DCBLD2: variants seen among roughly 807,000 people sequenced by gnomAD.
DCBLD2 encodes the protein discoidin, CUB and LCCL domain containing 2.
In DCBLD2, 54 loss-of-function variants were observed where a neutral mutation model predicts 86.8. That is an observed-to-expected ratio of 0.62 (90% CI 0.50 to 0.78). The LOEUF (loss-of-function observed/expected upper bound fraction) is 0.78. DCBLD2 is among the 30% of genes least tolerant of loss of function. The pLI is 0.00. For synonymous variants in DCBLD2, 354 were observed against 341.3 expected (o/e 1.04, Z -0.41); for missense variants, 908 against 954.2 (o/e 0.95, Z 0.64).
intron 2 of DCBLD2, among the ~76,000 whole-genome samples, chr3:98,867,997 G>T (rs913432970): frequency 2.6e-5 from 4 of 151,954 alleles, no homozygotes; most frequent in Admixed American, 2.0e-4. Context: ...TAGAGACGGG[G>T]TTTCACCTTG....
chr3:98,812,542 T>A, intron 9 of DCBLD2, 60 bp from the exon 10 acceptor site: 1 of 1,484,656 alleles, frequency 6.7e-7, no homozygotes, highest in Admixed American at 2.0e-5. Context: ...GCTAAATTTC[T>A]CCACTTAAAC....
intron 2 of DCBLD2, among the ~76,000 whole-genome samples, chr3:98,873,220 C>G (rs1576196445): frequency 6.6e-6 from 1 of 152,010 alleles, no homozygotes; most frequent in South Asian, 2.1e-4. Flanking sequence ...TTTATAAAAG[C>G]AAAACCTCCA....
chr3:98,901,011 C>A, intron 1 of DCBLD2, 111 bp downstream of exon 1: 1 of 1,510,220 alleles, frequency 6.6e-7, no homozygotes, highest in Non-Finnish European at 8.8e-7. Flanking sequence ...TCCGGCCACG[C>A]ACGAAAGCGC....
intron 2 of DCBLD2, among the ~76,000 whole-genome samples, chr3:98,861,602 T>G (rs1943046001): frequency 6.6e-6 from 1 of 152,120 alleles, no homozygotes; most frequent in African/African-American, 2.4e-5. Context: ...ACGTGGAAAC[T>G]GAACAACCTG....
intron 3 of DCBLD2, among the ~76,000 whole-genome samples, chr3:98,841,548 A>T (rs1942621257): frequency 6.6e-6 from 1 of 152,200 alleles, no homozygotes; most frequent in Non-Finnish European, 1.5e-5. Context: ...TATCATAGAA[A>T]TATTTTTGAT....
rs1396209408 is a variant in DCBLD2, at chr3:98,839,236, TCTCA to T, written c.571+10221_571+10224del. ...CTTTCCTTCTTTCCTTCTCTCTCTC[TCTCA>T]TTCTTTCTTTCTTCCTCTTTCTTTC... On this transcript the variant is annotated intron_variant, in intron 3 of 15. Coordinates refer to ENST00000326840, the MANE Select transcript of DCBLD2 (RefSeq NM_080927.4). 9.3e-5 allele frequency among the ~76,000 whole-genome samples: 14 copies of T among 150,076 alleles called. No homozygotes were observed. In the East Asian group the frequency reaches 1.2e-3, roughly 13 times the overall value.
intron 2 of DCBLD2, among the ~76,000 whole-genome samples, chr3:98,855,666 G>T (rs994868408): frequency 2.6e-5 from 4 of 152,188 alleles, no homozygotes; most frequent in Non-Finnish European, 5.9e-5. Flanking sequence ...AGACAAAAGA[G>T]CATATAGGTT....
intron 15 of DCBLD2, 21 bp from the exon 16 acceptor site, chr3:98,799,862 C>T (rs1337383448): frequency 6.4e-7 from 1 of 1,562,222 alleles, no homozygotes; most frequent in Admixed American, 1.9e-5. Flanking sequence ...CACAAAACAA[C>T]AGAAAAGTCA....
At chr3:98,835,532 C>T (rs1338809119) in intron 3 of DCBLD2, among the ~76,000 whole-genome samples, 3 of 149,580 alleles carry the variant, frequency 2.0e-5, no homozygotes, top group South Asian at 2.1e-4. Context: ...CCTCTCACTC[C>T]GTATGCTATT....
intron 3 of DCBLD2, among the ~76,000 whole-genome samples, chr3:98,841,945 G>A (rs1942629702): frequency 6.6e-6 from 1 of 152,078 alleles, no homozygotes; most frequent in Non-Finnish European, 1.5e-5. Context: ...TGTGCCTGTA[G>A]TCCCAGCTAC....
intron 2 of DCBLD2, among the ~76,000 whole-genome samples, chr3:98,860,556 T>C (rs989101098): frequency 5.3e-5 from 8 of 152,160 alleles, no homozygotes; most frequent in African/African-American, 1.9e-4. Flanking sequence ...CAGAAGACAG[T>C]AGGGGCCAAT....
chr3:98,801,916 T>A (rs138819323), intron 13 of DCBLD2: 17,589 of 320,344 alleles, frequency 0.055, 675 homozygotes, highest in Non-Finnish European at 0.073. Context: ...TAGTATTCCA[T>A]GGTGTATATG....
intron 3 of DCBLD2, among the ~76,000 whole-genome samples, chr3:98,838,874 G>A (rs1398584094): frequency 1.3e-5 from 2 of 151,998 alleles, no homozygotes; most frequent in African/African-American, 2.4e-5. Flanking sequence ...GCGAAACCCC[G>A]TCTCCACCAA....
At chr3:98,886,965 T>C (rs1210737003) in intron 1 of DCBLD2, among the ~76,000 whole-genome samples, 2 of 151,958 alleles carry the variant, frequency 1.3e-5, no homozygotes, top group Admixed American at 6.6e-5. Context: ...AAGTATGTGC[T>C]TGTGATGCTG....
intron 2 of DCBLD2, among the ~76,000 whole-genome samples, chr3:98,859,714 C>T (rs934787807): frequency 3.3e-5 from 5 of 152,170 alleles, no homozygotes; most frequent in Non-Finnish European, 5.9e-5. Context: ...CACACCAAAA[C>T]CCCATCTGTA....
chr3:98,825,643 T>TTTTATATATATATA (rs1317079960), intron 3 of DCBLD2, among the ~76,000 whole-genome samples: 1 of 115,100 alleles, frequency 8.7e-6, no homozygotes, highest in Non-Finnish European at 1.8e-5. Flanking sequence ...ATATGTGTAT[T>TTTTATATATATATA]TATATATATA....
At chr3:98,863,600 C>T (rs556340760) in intron 2 of DCBLD2, among the ~76,000 whole-genome samples, 7 of 152,212 alleles carry the variant, frequency 4.6e-5, no homozygotes, top group Admixed American at 3.9e-4. Context: ...CTGACAAAAA[C>T]AAGAAATGGG....
intron 2 of DCBLD2, among the ~76,000 whole-genome samples, chr3:98,881,266 C>CAAAAAAAAAAAAAAAAAA (rs35861171): frequency 7.3e-6 from 1 of 136,826 alleles, no homozygotes; most frequent in South Asian, 2.3e-4. Flanking sequence ...AAAAAAAAAA[C>CAAAAAAAAAAAAAAAAAA]AAAAAAAAAA....
chr3:98,808,080 C>T lies in DCBLD2; in HGVS notation c.1670+1G>A. 1.3e-6 allele frequency: 2 copies of T among 1,589,066 alleles called. No homozygotes were observed. On this transcript the variant is annotated splice_donor_variant, in intron 13 of 15. Transcript: ENST00000326840. LOFTEE classifies it high-confidence loss of function. ...CTCAGGTGAACTAGTTATGTACTAA[C>T]CTGTTTCTCCAGTGCCAAGCACACA...
Sources: allele counts gnomAD v4.1 joint callset (sites outside exome capture counted in the v4.1 genomes callset), GRCh38; gene constraint gnomAD v4.1.1; transcripts MANE v1.5; gene names NCBI Gene and HGNC (gene_info 2026-07-23, HGNC 2026-07-21).